Variants in TIMP3 observed in about 807,000 individuals in gnomAD.
The protein encoded by TIMP3 is TIMP metallopeptidase inhibitor 3.
Under a neutral mutation model 30.0 loss-of-function variants are expected in TIMP3, and 11 were observed. The ratio of observed to expected loss-of-function variants is 0.37; its 90% CI spans 0.23 to 0.61. TIMP3 has a LOEUF of 0.61. Among genes scored for constraint, TIMP3 ranks in the 20% least tolerant of loss-of-function variants. The probability of loss-of-function intolerance (pLI) is 0.70; values close to 1 mark genes in which losing one functional copy is unlikely to be tolerated. For synonymous variants in TIMP3, 112 were observed against 111.3 expected, an observed-to-expected ratio of 1.01 and a Z score of -0.04; for missense variants, 181 against 276.8, an observed-to-expected ratio of 0.65 and a Z score of 2.45.
At chr22:32,809,981 T>A (rs1354104129) in intron 1 of TIMP3, among the ~76,000 whole-genome samples, 1 of 152,212 alleles carries the variant, frequency 6.6e-6, no homozygotes, top group Non-Finnish European at 1.5e-5. Flanking sequence ...ATGCCTGGGA[T>A]AGACAGCAGG....
At position 32,859,563 on chromosome 22, in the gene TIMP3, C is replaced by T. The variant is rs553615099; in HGVS notation, c.*186C>T. The T allele has an allele frequency of 4.1e-6, 3 of 732,196 alleles. No homozygotes were observed. The South Asian group carries it at 6.2e-5, about 15-fold the overall frequency. 45.4% of individuals were successfully genotyped at this position (732,196 alleles called of 1,614,324 possible). A position where few individuals can be genotyped will look rare whatever the true frequency, so the allele number is the denominator to read the frequency against. The stretch of plus-strand genomic sequence containing the variant: ...TGGGAACTATCCTCCTGGCCCCACC[C>T]TGCCCCTTCTTTTTGGTTTTGACAT... On this transcript the variant is annotated 3_prime_UTR_variant, in exon 5 of 5. Coordinates refer to ENST00000266085, the MANE Select transcript of TIMP3 (RefSeq NM_000362.5).
chr22:32,807,440 A>G (rs1298318344), intron 1 of TIMP3, among the ~76,000 whole-genome samples: 4 of 134,754 alleles, frequency 3.0e-5, no homozygotes, highest in African/African-American at 1.1e-4. Flanking sequence ...TATAATATAT[A>G]TATTTCTTTT....
At chr22:32,840,072 A>T (rs1309221483) in intron 1 of TIMP3, among the ~76,000 whole-genome samples, 1 of 152,084 alleles carries the variant, frequency 6.6e-6, no homozygotes, top group Admixed American at 6.5e-5. Context: ...CAAGGCAGGT[A>T]CTGAGAAACA....
At position 32,859,657 on chromosome 22, in the gene TIMP3, CGTGATAA is replaced by C; in HGVS notation, c.*281_*287del. The C allele has an allele frequency of 2.2e-6, 1 of 452,436 alleles. No individual in the cohort carries two copies. Among genetic ancestry groups the C allele is most frequent in the Non-Finnish European group, 3.9e-6 (1 of 254,494 alleles). 28.0% of individuals were successfully genotyped at this position (452,436 alleles called of 1,614,324 possible). On this transcript the variant is annotated 3_prime_UTR_variant, in exon 5 of 5. Coordinates refer to ENST00000266085, the MANE Select transcript of TIMP3 (RefSeq NM_000362.5). ...ATGAGGAACCTGTATTCCTCTTCTT[CGTGATAA>C]TATAATCTCTATTTTTTTAGGAAAA...
chr22:32,832,084 C>T (rs135028), intron 1 of TIMP3, among the ~76,000 whole-genome samples: 145,369 of 152,250 alleles, frequency 0.95, 69,455 homozygotes, highest in African/African-American at 0.99. Flanking sequence ...GGGCCAACTC[C>T]GTACTTGTTT....
At chr22:32,848,511 G>T (rs2048131762) in intron 1 of TIMP3, among the ~76,000 whole-genome samples, 1 of 152,136 alleles carries the variant, frequency 6.6e-6, no homozygotes, top group Non-Finnish European at 1.5e-5. Flanking sequence ...AATGTACATG[G>T]CACATAGTAG....
chr22:32,813,007 G>A (rs557350652), intron 1 of TIMP3, among the ~76,000 whole-genome samples: 38 of 152,186 alleles, frequency 2.5e-4, no homozygotes, highest in Non-Finnish European at 3.4e-4. Context: ...GGGAAGGTGG[G>A]TGTGGGTTCC....
chr22:32,822,467 G>A (rs943339518), intron 1 of TIMP3, among the ~76,000 whole-genome samples: 3 of 152,198 alleles, frequency 2.0e-5, no homozygotes, highest in South Asian at 2.1e-4. Context: ...CTGGTGTGAC[G>A]TCTGGGGAGG....
chr22:32,822,016 G>A (rs189126772), intron 1 of TIMP3, among the ~76,000 whole-genome samples: 34 of 152,178 alleles, frequency 2.2e-4, no homozygotes, highest in East Asian at 7.8e-4. Flanking sequence ...TTAGCCGGGC[G>A]TGGTGGCGCA....
Position 32,857,229 on chromosome 22 carries a change from G to C in TIMP3, c.205-20G>C. The stretch of plus-strand genomic sequence containing the variant: ...TCCAAACTGGGAAAGAAGAAGTCAT[G>C]ATGTTCCTTTTGCCCACAGATGTAC... On this transcript the variant is annotated intron_variant, in intron 2 of 4. Transcript: ENST00000266085. 6.3e-7 allele frequency: 1 copy of C among 1,584,538 alleles called. No individual in the cohort carries two copies. The highest frequency in any genetic ancestry group is 8.7e-7 in the Non-Finnish European group (1 of 1,153,370).
chr22:32,821,434 A>G (rs2047243561), intron 1 of TIMP3, among the ~76,000 whole-genome samples: 1 of 152,202 alleles, frequency 6.6e-6, no homozygotes, highest in Admixed American at 6.5e-5. Context: ...GAAGTCAAAG[A>G]AGGTGGGTGT....
rs55662304 is a variant in TIMP3 at position 32,824,226 on chromosome 22, C to T, written c.121+22104C>T. ...TTGGGAGGTGGAGGTTGCAGTGAGA[C>T]GACACCTCGCCACTGCACTCCAGCC... On this transcript the variant is annotated intron_variant, in intron 1 of 4. Transcript: ENST00000266085. Among the ~76,000 whole-genome samples the T allele has an allele frequency of 3.6e-3, 530 of 148,504 alleles. 3 individuals carry two copies. The highest frequency in any genetic ancestry group is 5.1e-3 in the South Asian group (24 of 4,704).
intron 1 of TIMP3, among the ~76,000 whole-genome samples, chr22:32,805,735 T>C (rs2046716005): frequency 6.6e-6 from 1 of 150,620 alleles, no homozygotes; most frequent in East Asian, 2.0e-4. Flanking sequence ...AGTTGCTAAA[T>C]GATAAAGCTA....
At position 32,861,238 on chromosome 22, in the gene TIMP3, C is replaced by T. The variant is rs1379767835; in HGVS notation, c.*1861C>T. Reference sequence around the variant, plus strand: ...TCTTGCACACACACAAGTGCCCAGGCAAGGTGCTTGGCAGAACCGCAGAGT... The same window carrying T: ...TCTTGCACACACACAAGTGCCCAGGTAAGGTGCTTGGCAGAACCGCAGAGT... On this transcript the variant is annotated 3_prime_UTR_variant, in exon 5 of 5. Transcript: ENST00000266085. 1 of 151,902 alleles carries T rather than the reference C, an allele frequency of 6.6e-6. No individual in the cohort carries two copies. The highest frequency in any genetic ancestry group is 2.4e-5 in the African/African-American group (1 of 41,216). 9.4% of individuals were successfully genotyped at this position (151,902 alleles called of 1,614,324 possible).
In TIMP3 at chr22:32,822,677, TC is replaced by T. The variant is rs2047284531; in HGVS notation, c.121+20557del. On this transcript the variant is annotated intron_variant, in intron 1 of 4. Transcript: ENST00000266085. ...CGTTCATACAGTGAAGATCTGCACT[TC>T]CTCTTCTGCTAACCGCTAAGGTGTC... 3.9e-5 allele frequency among the ~76,000 whole-genome samples: 6 copies of T among 152,212 alleles called. No homozygotes were observed. In the South Asian group the frequency reaches 1.2e-3, roughly 32 times the overall value.
chr22:32,845,950 G>C (rs2048049869), intron 1 of TIMP3, among the ~76,000 whole-genome samples: 1 of 152,234 alleles, frequency 6.6e-6, no homozygotes, highest in South Asian at 2.1e-4. Context: ...AGAAACTGGA[G>C]CAAATACGGA....
intron 1 of TIMP3, among the ~76,000 whole-genome samples, chr22:32,811,107 C>G (rs2046904724): frequency 6.6e-6 from 1 of 151,894 alleles, no homozygotes; most frequent in Non-Finnish European, 1.5e-5. Context: ...TGAAAGGGCA[C>G]TGGGTTAGGA....
intron 1 of TIMP3, among the ~76,000 whole-genome samples, chr22:32,827,235 G>A (rs1391896205): frequency 2.6e-5 from 4 of 152,202 alleles, no homozygotes. Flanking sequence ...ATTGCTGGGT[G>A]TTAGCTTACC....
At chr22:32,857,562 C>G (rs1173175700) in intron 3 of TIMP3, among the ~76,000 whole-genome samples, 1 of 152,204 alleles carries the variant, frequency 6.6e-6, no homozygotes, top group African/African-American at 2.4e-5. Context: ...TTAGCTCCAC[C>G]ACTCACCTGG....
Sources: gnomAD v4.1 joint callset for allele counts (sites outside exome capture counted in the v4.1 genomes callset) on GRCh38, gnomAD v4.1.1 for gene constraint, MANE v1.5 for transcripts, NCBI Gene and HGNC (gene_info 2026-07-23, HGNC 2026-07-21) for gene names.